The following GRB2 variants were observed in gnomAD, a reference collection of about 807,000 sequenced individuals.
GRB2 encodes the protein growth factor receptor bound protein 2.
GRB2 carries 2 observed loss-of-function variants against 27.4 expected under a neutral mutation model. That is an observed-to-expected ratio of 0.07 (90% CI 0.03 to 0.23). The LOEUF (loss-of-function observed/expected upper bound fraction) is 0.23, where lower values mean the gene tolerates loss of function less well. Ranked by LOEUF, GRB2 falls within the 10% of genes least tolerant of loss-of-function variation. The pLI, the probability that GRB2 is intolerant of heterozygous loss-of-function variation, is 1.00. For missense variants in GRB2, 102 were observed against 282.4 expected (o/e 0.36, Z 4.58); for synonymous variants, 94 against 99.6 (o/e 0.94, Z 0.33).
intron 2 of GRB2, among the ~76,000 whole-genome samples, chr17:75,368,835 T>C (rs866637041): frequency 2.0e-5 from 3 of 152,168 alleles, no homozygotes; most frequent in African/African-American, 7.2e-5. Flanking sequence ...TGTGAGCCAC[T>C]GCACCCAGAT....
At chr17:75,323,128 A>G (rs971776494) in intron 4 of GRB2, among the ~76,000 whole-genome samples, 39 of 150,668 alleles carry the variant, frequency 2.6e-4, no homozygotes, top group Non-Finnish European at 5.9e-5. Flanking sequence ...CATTAAAAAA[A>G]AAAAAAAAAA....
intron 2 of GRB2, among the ~76,000 whole-genome samples, chr17:75,384,136 G>C (rs1003055218): frequency 1.3e-5 from 2 of 152,232 alleles, no homozygotes; most frequent in East Asian, 3.9e-4. Flanking sequence ...GCTGCCAAAA[G>C]GACGAAGGTT....
At chr17:75,358,280 T>C (rs938030740) in intron 2 of GRB2, among the ~76,000 whole-genome samples, 8 of 152,212 alleles carry the variant, frequency 5.3e-5, no homozygotes, top group Non-Finnish European at 1.0e-4. Flanking sequence ...CCAAATTGCA[T>C]TTTACCTAAA....
intron 2 of GRB2, chr17:75,371,264 C>T (rs2078854669): frequency 6.6e-6 from 1 of 151,636 alleles, no homozygotes; most frequent in African/African-American, 2.4e-5. Context: ...AGAAATCTAA[C>T]CAAGGTGCTG....
At chr17:75,342,841 G>A (rs1478802665) in intron 2 of GRB2, among the ~76,000 whole-genome samples, 1 of 151,950 alleles carries the variant, frequency 6.6e-6, no homozygotes, top group African/African-American at 2.4e-5. Context: ...TTGAGCCTTG[G>A]AGTTTGAGTC....
chr17:75,347,539 C>T (rs536435784), intron 2 of GRB2, among the ~76,000 whole-genome samples: 5 of 152,294 alleles, frequency 3.3e-5, no homozygotes, highest in African/African-American at 1.2e-4. Context: ...AACCACCAGA[C>T]TTCAGGGGTG....
intron 2 of GRB2, among the ~76,000 whole-genome samples, chr17:75,373,960 A>AC (rs2078873844): frequency 6.6e-6 from 1 of 150,976 alleles, no homozygotes; most frequent in Non-Finnish European, 1.5e-5. Context: ...TGCCCGGCTA[A>AC]TTTTTTTTGC....
intron 2 of GRB2, chr17:75,387,917 C>G (rs538567990): frequency 6.6e-6 from 1 of 152,172 alleles, no homozygotes; most frequent in East Asian, 1.9e-4. Flanking sequence ...ATTTCTTTCT[C>G]CAAACAGGAG....
At chr17:75,328,614 C>A (rs1222808908) in intron 3 of GRB2, among the ~76,000 whole-genome samples, 1 of 151,498 alleles carries the variant, frequency 6.6e-6, no homozygotes, top group East Asian at 2.0e-4. Context: ...TGCACTCCAG[C>A]CTGGGCAACA....
intron 2 of GRB2, among the ~76,000 whole-genome samples, chr17:75,345,200 G>A (rs1211995909): frequency 1.3e-5 from 2 of 151,778 alleles, no homozygotes; most frequent in African/African-American, 4.8e-5. Context: ...CCGCCACCAC[G>A]CCTGGCTAAT....
chr17:75,404,545 G>T (rs2079085819), intron 1 of GRB2, among the ~76,000 whole-genome samples: 1 of 149,964 alleles, frequency 6.7e-6, no homozygotes, highest in South Asian at 2.1e-4. Flanking sequence ...AGAAAAAAAG[G>T]GGGGGGTGGG....
chr17:75,369,977 A>G (rs2078845510), intron 2 of GRB2, among the ~76,000 whole-genome samples: 1 of 152,262 alleles, frequency 6.6e-6, no homozygotes, highest in African/African-American at 2.4e-5. Context: ...CTTTGCTTGA[A>G]GGATGGCATT....
chr17:75,362,886 A>C (rs2145849041), intron 2 of GRB2, among the ~76,000 whole-genome samples: 1 of 152,344 alleles, frequency 6.6e-6, no homozygotes, highest in Non-Finnish European at 1.5e-5. Flanking sequence ...AAAGTACTAC[A>C]GTTAAATACT....
rs1333301084 is a variant in GRB2, at chr17:75,318,747, A to G, written c.*1621T>C. On this transcript the variant is annotated 3_prime_UTR_variant, in exon 6 of 6. Transcript: ENST00000316804. ...ACTCCAGCTTCCCAGTGCTGCCCTC[A>G]CACTCACCTGGACAGGTCAGGGGAC... is the stretch of plus-strand genomic sequence containing the variant. 6.6e-6 allele frequency: 1 copy of G among 152,170 alleles called. No individual in the cohort carries two copies. The highest frequency in any genetic ancestry group is 2.4e-5 in the African/African-American group (1 of 41,404). 9.4% of individuals were successfully genotyped at this position (152,170 alleles called of 1,614,324 possible). A position where few individuals can be genotyped will look rare whatever the true frequency, so the allele number is the denominator to read the frequency against.
At chr17:75,335,854 A>G (rs1394511519) in intron 2 of GRB2, among the ~76,000 whole-genome samples, 2 of 152,196 alleles carry the variant, frequency 1.3e-5, no homozygotes, top group Admixed American at 1.3e-4. Context: ...GAATGAGATA[A>G]AACAATATAT....
intron 2 of GRB2, among the ~76,000 whole-genome samples, chr17:75,346,871 C>A (rs1274363770): frequency 6.6e-6 from 1 of 152,032 alleles, no homozygotes; most frequent in Non-Finnish European, 1.5e-5. Context: ...CCTGCTCTGA[C>A]TTTTTGGCTC....
chr17:75,392,184 T>G (rs1020948738), intron 2 of GRB2, among the ~76,000 whole-genome samples: 2 of 152,196 alleles, frequency 1.3e-5, no homozygotes, highest in East Asian at 3.8e-4. Flanking sequence ...GATCTCTAGC[T>G]GGGCATATTT....
chr17:75,343,094 T>G (rs1431435801), intron 2 of GRB2, among the ~76,000 whole-genome samples: 443 of 92,884 alleles, frequency 4.8e-3, no homozygotes, highest in Admixed American at 8.1e-3. Context: ...TGGGGGTGGG[T>G]GGGTAGAGCA....
At chr17:75,332,326 T>C (rs1179498154) in intron 3 of GRB2, among the ~76,000 whole-genome samples, 1 of 152,108 alleles carries the variant, frequency 6.6e-6, no homozygotes, top group East Asian at 1.9e-4. Context: ...GATATTAAGA[T>C]ACCGTCCCAC....
Sources: allele counts gnomAD v4.1 joint callset (sites outside exome capture counted in the v4.1 genomes callset), GRCh38; gene constraint gnomAD v4.1.1; transcripts MANE v1.5; gene names NCBI Gene and HGNC (gene_info 2026-07-23, HGNC 2026-07-21).